Variants in GATA4 observed in about 807,000 individuals in gnomAD.
GATA4 encodes GATA binding protein 4, also known as transcription factor GATA-4.
Under a neutral mutation model 37.9 loss-of-function variants are expected in GATA4, and 7 were observed. The observed-to-expected ratio is 0.18, with a 90% confidence interval of 0.11 to 0.35. GATA4 has a LOEUF of 0.35. GATA4 is among the 10% of genes least tolerant of loss of function. GATA4 has a pLI of 1.00. For synonymous variants in GATA4, 372 were observed against 292.6 expected (o/e 1.27, Z -2.77); for missense variants, 647 against 653.0 (o/e 0.99, Z 0.10).
Position 11,709,120 on chromosome 8 carries a change from T to C in GATA4, c.616+192T>C, listed in dbSNP as rs1010547585. Among the ~76,000 whole-genome samples, 6 of 152,032 alleles carry C rather than the reference T, an allele frequency of 3.9e-5. No homozygotes were observed. The highest frequency in any genetic ancestry group is 8.8e-5 in the Non-Finnish European group (6 of 67,976). The stretch of plus-strand genomic sequence containing the variant: ...ATCACAGCCCCAGAAGACCGGCTTC[T>C]GTGGAAGGGGCCGGGCCTGCCCGCC... On this transcript the variant is annotated intron_variant, in intron 2 of 6. Transcript: ENST00000532059. The surrounding 1 kb of genome is among the most constrained non-coding windows in gnomAD (Gnocchi z 4.3).
chr8:11,734,534 T>C (rs1801358817), intron 2 of GATA4, among the ~76,000 whole-genome samples: 1 of 152,210 alleles, frequency 6.6e-6, no homozygotes, highest in South Asian at 2.1e-4. Context: ...TTGCCCAGGC[T>C]GGAATGCAAT....
In GATA4 at chr8:11,698,099, C is replaced by T. The variant is rs1799561664; in HGVS notation, c.-728-2409C>T. The T allele has an allele frequency of 6.5e-6, 5 of 772,498 alleles. No homozygotes were observed. In the African/African-American group the frequency reaches 9.4e-5, roughly 15 times the overall value. The allele number at this position is 772,498 out of a possible 1,614,324, so 47.9% of individuals were successfully genotyped here. A position where few individuals can be genotyped will look rare whatever the true frequency, so the allele number is the denominator to read the frequency against. On this transcript the variant is annotated intron_variant, in intron 1 of 2. Coordinates refer to the GATA4 transcript ENST00000526974. ...CCGGCCGCTTTCTGGCGTCCGTCCT[C>T]TCCCAGGAGGTCCTGGCCTCTCTCT...
intron 1 of GATA4, among the ~76,000 whole-genome samples, chr8:11,704,734 C>T (rs898147611): frequency 1.3e-5 from 2 of 152,268 alleles, no homozygotes; most frequent in African/African-American, 4.8e-5. Flanking sequence ...TGTCGCCCAC[C>T]AGCGACTCCG....
At chr8:11,729,764 C>A (rs1585642152) in intron 2 of GATA4, among the ~76,000 whole-genome samples, 1 of 152,168 alleles carries the variant, frequency 6.6e-6, no homozygotes, top group Non-Finnish European at 1.5e-5. Flanking sequence ...TTGTGAATTT[C>A]CGCCTGGAAA....
chr8:11,758,225 C>G, intron 6 of GATA4, 68 bp from the exon 7 acceptor site: 5 of 1,553,720 alleles, frequency 3.2e-6, no homozygotes, highest in Non-Finnish European at 4.4e-6. Flanking sequence ...GGCACCCTCC[C>G]CAGCCTAGAC....
At chr8:11,758,224 C>A (rs1270332540) in intron 6 of GATA4, 69 bp from the exon 7 acceptor site, 4 of 1,546,114 alleles carry the variant, frequency 2.6e-6, no homozygotes, top group African/African-American at 1.4e-5. Context: ...GGGCACCCTC[C>A]CCAGCCTAGA....
At chr8:11,688,371 T>C (rs919281855), upstream of GATA4, among the ~76,000 whole-genome samples, 3 of 152,274 alleles carry the variant, frequency 2.0e-5, no homozygotes, top group Admixed American at 1.3e-4. Flanking sequence ...CAATCATTAA[T>C]TCATTCTTTT....
intron 1 of GATA4, chr8:11,706,170 G>C (rs530592365): frequency 6.6e-6 from 1 of 152,222 alleles, no homozygotes; most frequent in Non-Finnish European, 1.5e-5. Flanking sequence ...TGCATATTTT[G>C]AAAGCAAATA....
At chr8:11,754,541 G>A (rs773696491) in intron 4 of GATA4, among the ~76,000 whole-genome samples, 1 of 152,050 alleles carries the variant, frequency 6.6e-6, no homozygotes, top group Non-Finnish European at 1.5e-5. Context: ...TTGTTTTCAG[G>A]GTCCTTGTGT....
At chr8:11,703,452 G>C (rs577727978), upstream of GATA4, among the ~76,000 whole-genome samples, 24 of 152,166 alleles carry the variant, frequency 1.6e-4, no homozygotes, top group East Asian at 4.5e-3. Context: ...CCCCTGGACC[G>C]CCTGGCTCCC....
At chr8:11,699,389 G>A (rs916803906), upstream of GATA4, among the ~76,000 whole-genome samples, 1 of 152,188 alleles carries the variant, frequency 6.6e-6, no homozygotes. Flanking sequence ...GTGTCACCAA[G>A]AGAGATCTCA....
chr8:11,715,594 A>T (rs1435495598), intron 2 of GATA4, among the ~76,000 whole-genome samples: 1 of 152,120 alleles, frequency 6.6e-6, no homozygotes, highest in African/African-American at 2.4e-5. Context: ...TACAAAAATT[A>T]GCTGGGCATG....
chr8:11,743,095 C>G lies in GATA4; in HGVS notation c.617-5821C>G, dbSNP rs1245773723. Among the ~76,000 whole-genome samples, 3 of 152,260 alleles carry G rather than the reference C, an allele frequency of 2.0e-5. No individual in the cohort carries two copies. In the East Asian group the frequency reaches 5.8e-4, roughly 29 times the overall value. On this transcript the variant is annotated intron_variant, in intron 2 of 6. Transcript: ENST00000532059. ...GGCCCTTTCCACTGTTGACGTGTCT[C>G]TCCCTGAACGTCCAGGATGCTGAAG...
chr8:11,724,920 G>A (rs894613453), intron 2 of GATA4, among the ~76,000 whole-genome samples: 4 of 152,248 alleles, frequency 2.6e-5, no homozygotes, highest in Non-Finnish European at 4.4e-5. Flanking sequence ...TTGAGCTCCT[G>A]TAGCCACAGT....
chr8:11,697,963 G>A (rs1353643859), intron 1 of GATA4: 1 of 985,478 alleles, frequency 1.0e-6, no homozygotes, highest in Non-Finnish European at 1.2e-6. Flanking sequence ...CGGCGCTCCA[G>A]CCGCGGGTGT....
At chr8:11,746,220 T>G (rs1385651827) in intron 2 of GATA4, among the ~76,000 whole-genome samples, 1 of 149,894 alleles carries the variant, frequency 6.7e-6, no homozygotes, top group Admixed American at 6.6e-5. Flanking sequence ...AGAGTGAGAC[T>G]CTGTCTCAAA....
chr8:11,681,212 G>T, intron 1 of GATA4: 1 of 985,404 alleles, frequency 1.0e-6, no homozygotes, highest in Non-Finnish European at 1.2e-6. Context: ...GGGATCTGGA[G>T]GCAGAGATTT....
At chr8:11,690,648 G>A (rs996178638), upstream of GATA4, among the ~76,000 whole-genome samples, 3 of 152,138 alleles carry the variant, frequency 2.0e-5, no homozygotes, top group Admixed American at 1.3e-4. Context: ...CAGTGAGAGG[G>A]TCACTCCAGC....
chr8:11,754,111 C>T (rs1206071676), intron 4 of GATA4, among the ~76,000 whole-genome samples: 2 of 152,236 alleles, frequency 1.3e-5, no homozygotes, highest in Non-Finnish European at 2.9e-5. Flanking sequence ...CAGCCAGACC[C>T]AATGCAGTAC....
Sources: allele counts gnomAD v4.1 joint callset (sites outside exome capture counted in the v4.1 genomes callset), GRCh38; gene constraint gnomAD v4.1.1; non-coding constraint Gnocchi (gnomAD v3.1); transcripts MANE v1.5; gene names NCBI Gene and HGNC (gene_info 2026-07-23, HGNC 2026-07-21).